The following MAPK10 variants were observed in gnomAD, a reference collection of about 807,000 sequenced individuals.
The protein encoded by MAPK10 is JNK3 alpha protein kinase.
In MAPK10, 25 loss-of-function variants were observed where a neutral mutation model predicts 59.3. The ratio of observed to expected loss-of-function variants is 0.42; its 90% CI spans 0.31 to 0.59. The LOEUF is 0.59. Among genes scored for constraint, MAPK10 ranks in the 20% least tolerant of loss-of-function variants. The pLI is 0.15. For missense variants in MAPK10, 351 were observed against 568.9 expected (o/e 0.62, Z 3.90); for synonymous variants, 190 against 200.5 (o/e 0.95, Z 0.44).
intron 1 of MAPK10, among the ~76,000 whole-genome samples, chr4:86,406,982 C>G (rs2149022985): frequency 6.6e-6 from 1 of 152,264 alleles, no homozygotes; most frequent in South Asian, 2.1e-4. Context: ...CCTGCACAAC[C>G]CATGTTCCAC....
chr4:86,241,331 G>A (rs796625295), intron 2 of MAPK10, among the ~76,000 whole-genome samples: 27 of 152,126 alleles, frequency 1.8e-4, no homozygotes, highest in African/African-American at 2.2e-4. Context: ...TGATCTTCTC[G>A]TGGGGTATCT....
intron 1 of MAPK10, among the ~76,000 whole-genome samples, chr4:86,531,514 G>A (rs1338382888): frequency 6.6e-6 from 1 of 152,148 alleles, no homozygotes; most frequent in African/African-American, 2.4e-5. Flanking sequence ...GCAGGAAAGA[G>A]GAAGCACTGG....
chr4:86,040,140 A>T (rs1044168746), intron 11 of MAPK10, among the ~76,000 whole-genome samples: 1 of 152,366 alleles, frequency 6.6e-6, no homozygotes, highest in East Asian at 1.9e-4. Flanking sequence ...CACCAAAAAA[A>T]TACAAAAATC....
At chr4:86,405,894 A>G (rs536061771) in intron 1 of MAPK10, among the ~76,000 whole-genome samples, 2 of 152,358 alleles carry the variant, frequency 1.3e-5, no homozygotes, top group South Asian at 2.1e-4. Context: ...TCCAAACACT[A>G]CAGTAACTCA....
intron 3 of MAPK10, among the ~76,000 whole-genome samples, chr4:86,163,630 G>A (rs1037975109): frequency 1.3e-5 from 2 of 152,050 alleles, no homozygotes; most frequent in Non-Finnish European, 2.9e-5. Flanking sequence ...ACTAGCTAGG[G>A]GGCTTATAAA....
intron 1 of MAPK10, among the ~76,000 whole-genome samples, chr4:86,573,246 C>G (rs547182990): frequency 6.6e-6 from 1 of 152,118 alleles, no homozygotes; most frequent in Non-Finnish European, 1.5e-5. Flanking sequence ...CAATTTATAT[C>G]GCTTTAGGTT....
chr4:86,292,253 G>A (rs571019076), intron 2 of MAPK10, among the ~76,000 whole-genome samples: 193 of 152,260 alleles, frequency 1.3e-3, no homozygotes, highest in African/African-American at 4.5e-3. Context: ...AAAATATAAT[G>A]TATTGATCTC....
chr4:86,040,240 C>A (rs1317949071), intron 11 of MAPK10, among the ~76,000 whole-genome samples: 4 of 151,532 alleles, frequency 2.6e-5, no homozygotes, highest in Non-Finnish European at 5.9e-5. Flanking sequence ...CAACAAACTT[C>A]AAAAAAATTA....
At chr4:86,244,859 G>T (rs1422209393) in intron 2 of MAPK10, among the ~76,000 whole-genome samples, 6 of 152,126 alleles carry the variant, frequency 3.9e-5, no homozygotes, top group African/African-American at 1.4e-4. Flanking sequence ...TTGAGTCTGA[G>T]AAATTTTCTT....
intron 2 of MAPK10, among the ~76,000 whole-genome samples, chr4:86,304,867 TAACTC>T (rs1318618381): frequency 2.6e-5 from 4 of 152,200 alleles, no homozygotes; most frequent in African/African-American, 9.7e-5. Context: ...GTTACACACT[TAACTC>T]AGGAAAATCC....
intron 1 of MAPK10, among the ~76,000 whole-genome samples, chr4:86,405,881 T>A (rs1744301007): frequency 6.6e-6 from 1 of 152,224 alleles, no homozygotes; most frequent in South Asian, 2.1e-4. Flanking sequence ...ATCATCTTGT[T>A]CTTCCAAACA....
At chr4:86,482,351 C>A (rs1269225314) in intron 1 of MAPK10, among the ~76,000 whole-genome samples, 3 of 152,056 alleles carry the variant, frequency 2.0e-5, no homozygotes, top group African/African-American at 7.2e-5. Flanking sequence ...TCATTTCAAA[C>A]AATAGTCAGT....
At chr4:86,276,793 A>C (rs1456037459) in intron 2 of MAPK10, among the ~76,000 whole-genome samples, 1 of 152,102 alleles carries the variant, frequency 6.6e-6, no homozygotes, top group Non-Finnish European at 1.5e-5. Flanking sequence ...TGGTTCTATC[A>C]TTATCACCAA....
intron 11 of MAPK10, among the ~76,000 whole-genome samples, chr4:86,057,275 T>C (rs2044769509): frequency 6.7e-6 from 1 of 150,078 alleles, no homozygotes; most frequent in Admixed American, 6.6e-5. Context: ...AAATAATAGT[T>C]TAAAAATCAT....
At chr4:86,090,151 G>A (rs4482754) in intron 9 of MAPK10, among the ~76,000 whole-genome samples, 72,524 of 151,364 alleles carry the variant, frequency 0.48, 18,751 homozygotes, top group African/African-American at 0.68. Context: ...TCTCTCTTGA[G>A]CTACACTTGG....
At chr4:86,204,361 G>A (rs2083339478) in intron 2 of MAPK10, among the ~76,000 whole-genome samples, 1 of 151,726 alleles carries the variant, frequency 6.6e-6, no homozygotes, top group Non-Finnish European at 1.5e-5. Flanking sequence ...TTAAAATATT[G>A]TTCATATAAC....
intron 13 of MAPK10, among the ~76,000 whole-genome samples, chr4:86,026,260 C>T (rs1018347296): frequency 6.6e-6 from 1 of 152,170 alleles, no homozygotes; most frequent in Non-Finnish European, 1.5e-5. Context: ...GAATCAGATG[C>T]TCTCCTGTAT....
intron 2 of MAPK10, among the ~76,000 whole-genome samples, chr4:86,302,314 C>T (rs1353611848): frequency 1.3e-5 from 2 of 152,222 alleles, no homozygotes. Flanking sequence ...TAGTTTTCTA[C>T]GTATGATTCA....
chr4:86,505,115 C>G (rs961499614), intron 1 of MAPK10, among the ~76,000 whole-genome samples: 5 of 152,140 alleles, frequency 3.3e-5, no homozygotes, highest in African/African-American at 1.2e-4. Flanking sequence ...CAACCTTCAC[C>G]TGTTTCTGGA....
Sources: gnomAD v4.1 joint callset for allele counts (sites outside exome capture counted in the v4.1 genomes callset) on GRCh38, gnomAD v4.1.1 for gene constraint, MANE v1.5 for transcripts, NCBI Gene and HGNC (gene_info 2026-07-23, HGNC 2026-07-21) for gene names.